KCNH6: variants seen among roughly 807,000 people sequenced by gnomAD.
KCNH6 encodes the protein voltage-gated inwardly rectifying potassium channel KCNH6.
In KCNH6, 81 loss-of-function variants were observed where a neutral mutation model predicts 83.4. That is an observed-to-expected ratio of 0.97 (90% CI 0.81 to 1.17). The LOEUF (loss-of-function observed/expected upper bound fraction) is 1.17. KCNH6 is among the 50% of genes most tolerant of loss of function. KCNH6 has a pLI of 0.00. For synonymous variants in KCNH6, 503 were observed against 545.6 expected (o/e 0.92, Z 1.09); for missense variants, 1,203 against 1,290.5 (o/e 0.93, Z 1.04).
chr17:63,542,154 G>C (rs79634433), intron 8 of KCNH6, 87 bp from the exon 9 acceptor site: 22,168 of 1,391,544 alleles, frequency 0.016, 244 homozygotes, highest in Middle Eastern at 0.067. Context: ...AAGGATGTCC[G>C]AGGTTGGGGG....
intron 8 of KCNH6, among the ~76,000 whole-genome samples, chr17:63,541,717 AG>A (rs774738691): frequency 6.6e-6 from 1 of 152,178 alleles, no homozygotes; most frequent in Non-Finnish European, 1.5e-5. Context: ...GGGTCTAGAC[AG>A]GGGGAGTAAC....
rs887192445 is a variant in KCNH6, at chr17:63,523,806, T to G, written c.76+317T>G. Among the ~76,000 whole-genome samples, 4 of 152,008 alleles carry G rather than the reference T, an allele frequency of 2.6e-5. No individual in the cohort carries two copies. The highest frequency in any genetic ancestry group is 9.7e-5 in the African/African-American group (4 of 41,388). On this transcript the variant is annotated intron_variant, in intron 1 of 12. Transcript: ENST00000314672. The surrounding 1 kb of genome is among the most constrained non-coding windows in gnomAD (Gnocchi z 4.2). ...CCCCTCATCCGCGTCCTCCAGAGGC[T>G]TCTCTGAGTCCTTCTTTTCCTTCCT...
chr17:63,548,602 AATAT>A (rs1454715481), downstream of KCNH6, among the ~76,000 whole-genome samples: 1 of 152,212 alleles, frequency 6.6e-6, no homozygotes, highest in Non-Finnish European at 1.5e-5. Context: ...AAACAACATA[AATAT>A]ATATTCAATT....
chr17:63,533,025 C>T lies in KCNH6; in HGVS notation c.676-861C>T, dbSNP rs965778617. Among the ~76,000 whole-genome samples, 1 of 152,136 alleles carries T rather than the reference C, an allele frequency of 6.6e-6. No homozygotes were observed. Among genetic ancestry groups the T allele is most frequent in the Non-Finnish European group, 1.5e-5 (1 of 68,010 alleles). On this transcript the variant is annotated intron_variant, in intron 4 of 12. Coordinates refer to ENST00000314672, the MANE Select transcript of KCNH6 (RefSeq NM_001278919.2). This position sits in a 1 kb window ranked among gnomAD's most constrained non-coding sequence, Gnocchi z 4.1. Reference sequence around the variant, plus strand: ...AGGCTCACAGAGGTTACAAAACTTGCCCAAGGCTCACCTATAGCACATGTC... The same window carrying T: ...AGGCTCACAGAGGTTACAAAACTTGTCCAAGGCTCACCTATAGCACATGTC...
chr17:63,538,459 T>G lies in KCNH6; in HGVS notation c.1751T>G (p.Leu584Arg), dbSNP rs2032663220. The G allele has an allele frequency of 6.2e-7, 1 of 1,604,606 alleles. No individual in the cohort carries two copies. Among genetic ancestry groups the G allele is most frequent in the Admixed American group, 1.7e-5 (1 of 59,026 alleles). ...CTGCAGGCTGACATCTGCCTGCACC[T>G]GCACCGCGCACTGCTGCAGCACTGC... ...ECLQADICLH[L>R]HRALLQHCPA... The change falls in exon 8 of 13, where the codon CTG (leucine) becomes CGG (arginine). Residue 584 changes from leucine (L) to arginine (R), a missense_variant. Physicochemically the swap from Leu to Arg is moderately radical, Grantham distance 102. Transcript: ENST00000314672. The surrounding 1 kb of genome is among the most constrained non-coding windows in gnomAD (Gnocchi z 4.0).
chr17:63,545,685 T>A lies in KCNH6; in HGVS notation c.2660T>A (p.Val887Glu). Residue 887 changes from valine (V) to glutamate (E), a missense_variant, in exon 13 of 13, where the codon GTG becomes GAG. Physicochemically the swap from Val to Glu is moderately radical, Grantham distance 121. Transcript: ENST00000314672. ...NSSPRMPHLAVATDKTLAPSS... is the reference protein window; with the variant it reads ...NSSPRMPHLAEATDKTLAPSS... Reference sequence around the variant, plus strand: ...TCCCCCAGGATGCCTCACCTGGCTGTGGCAACGGACAAAACTCTGGCACCA... The same window carrying A: ...TCCCCCAGGATGCCTCACCTGGCTGAGGCAACGGACAAAACTCTGGCACCA... The A allele has an allele frequency of 6.2e-7, 1 of 1,613,966 alleles. No individual in the cohort carries two copies. The highest frequency in any genetic ancestry group is 8.5e-7 in the Non-Finnish European group (1 of 1,179,930).
chr17:63,536,738 T>A (rs1369197023), intron 6 of KCNH6, among the ~76,000 whole-genome samples: 1 of 151,684 alleles, frequency 6.6e-6, no homozygotes, highest in African/African-American at 2.4e-5. Flanking sequence ...GGGCGGATCA[T>A]GAGGTCAGGA....
intron 6 of KCNH6, among the ~76,000 whole-genome samples, chr17:63,537,656 C>T (rs564972223): frequency 1.3e-5 from 2 of 152,212 alleles, no homozygotes; most frequent in East Asian, 1.9e-4. Context: ...GGGTTGGTCT[C>T]GAACTCCTGA....
Position 63,530,383 on chromosome 17 carries a change from G to A in KCNH6, c.516G>A (p.Arg172=), listed in dbSNP as rs1448457284. 1 of 1,614,072 alleles carries A rather than the reference G, an allele frequency of 6.2e-7. No individual in the cohort carries two copies. Among genetic ancestry groups the A allele is most frequent in the African/African-American group, 1.3e-5 (1 of 74,940 alleles). Reference sequence around the variant, plus strand: ...GCGGACCAGGGCCAGGCACAGGCAGGGGCAAGTACAGGACCATCAGCCAGA... The same window carrying A: ...GCGGACCAGGGCCAGGCACAGGCAGAGGCAAGTACAGGACCATCAGCCAGA... ...RPGGPGPGTG[R]GKYRTISQIP... is the part of the protein sequence containing the mutation. Residue 172 remains arginine, a synonymous_variant, in exon 4 of 13, where the codon AGG becomes AGA. Coordinates refer to ENST00000314672, the MANE Select transcript of KCNH6 (RefSeq NM_001278919.2).
rs763410155 is a variant in KCNH6 at position 63,533,851 on chromosome 17, C to A, written c.676-35C>A. 5.0e-6 allele frequency: 8 copies of A among 1,586,190 alleles called. No homozygotes were observed. Among genetic ancestry groups the A allele is most frequent in the Non-Finnish European group, 6.0e-6 (7 of 1,166,414 alleles). Reference sequence around the variant, plus strand: ...AGGCCAGTCTCACCAGCAGTGGCTGCCCCGTGCCTGACCTCCCTCGGCCCC... The same window carrying A: ...AGGCCAGTCTCACCAGCAGTGGCTGACCCGTGCCTGACCTCCCTCGGCCCC... On this transcript the variant is annotated intron_variant, in intron 4 of 12. Transcript: ENST00000314672. The surrounding 1 kb of genome is among the most constrained non-coding windows in gnomAD (Gnocchi z 4.1).
At chr17:63,540,317 C>T (rs2032784078) in intron 8 of KCNH6, among the ~76,000 whole-genome samples, 3 of 152,092 alleles carry the variant, frequency 2.0e-5, no homozygotes, top group Admixed American at 6.6e-5. Context: ...CCTGTAATCC[C>T]AGCTACTTGG....
chr17:63,538,269 G>A lies in KCNH6; in HGVS notation c.1701+5G>A. ...AATGGCATTGACATGAACGCGGTGAGCCCCGCCGCTCCGGCTAATGCCCCG... is the reference window on the plus strand; with the variant it reads ...AATGGCATTGACATGAACGCGGTGAACCCCGCCGCTCCGGCTAATGCCCCG... On this transcript the variant is annotated splice_donor_5th_base_variant and intron_variant, in intron 7 of 12. Transcript: ENST00000314672. The surrounding 1 kb of genome is among the most constrained non-coding windows in gnomAD (Gnocchi z 4.0). 6 of 1,611,208 alleles carry A rather than the reference G, an allele frequency of 3.7e-6. 1 individual carries two copies. In the South Asian group the frequency reaches 4.4e-5, roughly 12 times the overall value.
chr17:63,536,287 A>T (rs1327923912), intron 6 of KCNH6: 3 of 568,908 alleles, frequency 5.3e-6, no homozygotes, highest in Non-Finnish European at 9.3e-6. Flanking sequence ...AGGCACCAAG[A>T]CAGGCTACAT....
chr17:63,540,190 T>C (rs947022487), intron 8 of KCNH6, among the ~76,000 whole-genome samples: 3 of 152,062 alleles, frequency 2.0e-5, no homozygotes, highest in Admixed American at 2.0e-4. Context: ...ATCCCAGCAC[T>C]TTGGGAGGCC....
intron 2 of KCNH6, among the ~76,000 whole-genome samples, chr17:63,529,503 C>CT (rs2031939042): frequency 6.6e-6 from 1 of 152,254 alleles, no homozygotes; most frequent in South Asian, 2.1e-4. Context: ...TCCATGCTCC[C>CT]TCCCAGCCCT....
At chr17:63,544,940 AGTAAGGAAATAGCTTCAG>A in intron 11 of KCNH6, 120 bp from the exon 12 acceptor site, 2 of 817,772 alleles carry the variant, frequency 2.4e-6, no homozygotes, top group Non-Finnish European at 4.0e-6. Flanking sequence ...TGTGGATCCC[AGTAAGGAAATAGCTTCAG>A]GTAGGCCCCA....
rs779410978 is a variant in KCNH6, at chr17:63,538,503, G to A, written c.1795G>A (p.Gly599Ser). Residue 599 changes from glycine to serine, a missense_variant, in exon 8 of 13, where the codon GGC becomes AGC. Coordinates refer to ENST00000314672, the MANE Select transcript of KCNH6 (RefSeq NM_001278919.2). This position sits in a 1 kb window ranked among gnomAD's most constrained non-coding sequence, Gnocchi z 4.0. ...GCACTGCCCAGCTTTCAGCGGCGCC[G>A]GCAAGGGCTGCCTGCGCGCGCTAGC... ...LQHCPAFSGA[G>S]KGCLRALAVK... 1.5e-4 allele frequency: 234 copies of A among 1,602,280 alleles called. No homozygotes were observed. The highest frequency in any genetic ancestry group is 9.9e-4 in the Admixed American group (58 of 58,370).
rs1260856052 is a variant in KCNH6 at position 63,544,329 on chromosome 17, C to T, written c.2314C>T (p.Pro772Ser). Residue 772 changes from proline (P) to serine (S), a missense_variant, in exon 11 of 13, where the codon CCC becomes TCC. Pro to Ser is a moderately conservative substitution (Grantham distance 74). Transcript: ENST00000314672. ...LLQEMPPRHS[P>S]QSPQEDPDCW... ...GCAGGAAATGCCCCCAAGGCACAGC[C>T]CCCAAAGCCCTCAGGAAGACCCAGA... The T allele has an allele frequency of 1.2e-6, 2 of 1,612,428 alleles. No homozygotes were observed. Among genetic ancestry groups the T allele is most frequent in the Non-Finnish European group, 1.7e-6 (2 of 1,179,294 alleles).
chr17:63,539,738 A>C (rs533815142), intron 8 of KCNH6, among the ~76,000 whole-genome samples: 2 of 152,266 alleles, frequency 1.3e-5, no homozygotes, highest in Admixed American at 1.3e-4. Context: ...GCCTGGATCC[A>C]GCCCTCTTTG....
Sources: allele counts gnomAD v4.1 joint callset (sites outside exome capture counted in the v4.1 genomes callset), GRCh38; gene constraint gnomAD v4.1.1; non-coding constraint Gnocchi (gnomAD v3.1); transcripts MANE v1.5; gene names NCBI Gene and HGNC (gene_info 2026-07-23, HGNC 2026-07-21).